The following TG variants were observed in gnomAD, a reference collection of about 807,000 sequenced individuals.
The protein encoded by TG is thyroid hormones.
TG carries 270 observed loss-of-function variants against 324.7 expected under a neutral mutation model. The ratio of observed to expected loss-of-function variants is 0.83; its 90% CI spans 0.75 to 0.92. TG has a LOEUF of 0.92. Among genes scored for constraint, TG ranks in the 40% least tolerant of loss-of-function variants. TG has a pLI of 0.00. For missense variants in TG, 3,591 were observed against 3,456.4 expected (o/e 1.04, Z -0.98); for synonymous variants, 1,401 against 1,327.0 (o/e 1.06, Z -1.21).
chr8:132,964,216 A>G (rs1003319354), intron 29 of TG, among the ~76,000 whole-genome samples: 4 of 152,006 alleles, frequency 2.6e-5, no homozygotes, highest in Non-Finnish European at 5.9e-5. Flanking sequence ...TTAGGGCAGC[A>G]TCTGCAAAAC....
At chr8:132,921,736 G>A (rs1821137044) in intron 21 of TG, among the ~76,000 whole-genome samples, 1 of 152,156 alleles carries the variant, frequency 6.6e-6, no homozygotes, top group Admixed American at 6.5e-5. Context: ...AGGTTCTGCT[G>A]ATAACTCTTC....
intron 35 of TG, among the ~76,000 whole-genome samples, chr8:132,984,707 G>A (rs1439993019): frequency 6.6e-6 from 1 of 152,132 alleles, no homozygotes; most frequent in Non-Finnish European, 1.5e-5. Context: ...ACTTTGGGAG[G>A]CTGAGGTGGG....
At chr8:133,040,066 TGGG>T in intron 41 of TG, 1 of 1,556,000 alleles carries the variant, frequency 6.4e-7, no homozygotes, top group Non-Finnish European at 8.7e-7. Flanking sequence ...CCCTCACTGC[TGGG>T]GCAGCCGTGC....
intron 26 of TG, among the ~76,000 whole-genome samples, chr8:132,942,683 G>A (rs576383377): frequency 6.6e-6 from 1 of 152,346 alleles, no homozygotes; most frequent in South Asian, 2.1e-4. Flanking sequence ...CATGTTTGGA[G>A]CACTACTCGG....
intron 41 of TG, among the ~76,000 whole-genome samples, chr8:133,039,386 A>G (rs1201425907): frequency 2.0e-5 from 3 of 152,226 alleles, no homozygotes; most frequent in Non-Finnish European, 4.4e-5. Flanking sequence ...TGTTATTTAC[A>G]AGAAAGAGCA....
rs10093995 is a variant in TG, at chr8:133,040,440, C to T, written c.7239+10417C>T. The T allele has an allele frequency of 5.6e-3, 1,768 of 318,294 alleles. 20 individuals are homozygous for T. The highest frequency in any genetic ancestry group is 0.035 in the African/African-American group (1,655 of 47,846). 19.7% of individuals were successfully genotyped at this position (318,294 alleles called of 1,614,324 possible). A position where few individuals can be genotyped will look rare whatever the true frequency, so the allele number is the denominator to read the frequency against. On this transcript the variant is annotated intron_variant, in intron 41 of 47. Transcript: ENST00000220616. The stretch of plus-strand genomic sequence containing the variant: ...TACCCCGATAGTAAATTATCAAGAA[C>T]GTCTCTGAGCTTTCCTTTCTTCAAC...
In TG at chr8:133,119,872, G is replaced by A. The variant is rs559435760; in HGVS notation, c.7862+3156G>A. The stretch of plus-strand genomic sequence containing the variant: ...CTGCATAGAACTATAATTTCAGCCT[G>A]AACTACAGATTCAAGCAACTGCCTC... On this transcript the variant is annotated intron_variant, in intron 45 of 47. Coordinates refer to ENST00000220616, the MANE Select transcript of TG (RefSeq NM_003235.5). Among the ~76,000 whole-genome samples the A allele has an allele frequency of 2.6e-5, 4 of 152,282 alleles. No individual in the cohort carries two copies. In the South Asian group the frequency reaches 6.2e-4, roughly 24 times the overall value.
At position 133,090,880 on chromosome 8, in the gene TG, C is replaced by T. The variant is rs567684904; in HGVS notation, c.7240-4164C>T. Among the ~76,000 whole-genome samples the T allele has an allele frequency of 3.9e-5, 6 of 152,230 alleles. No individual in the cohort carries two copies. In the East Asian group the frequency reaches 7.8e-4, roughly 20 times the overall value. On this transcript the variant is annotated intron_variant, in intron 41 of 47. Transcript: ENST00000220616. ...TGCTTTGGCCTCACCCCGCACCCCC[C>T]GGGAACAGAAAGGAACTGTCTGCCA... is the stretch of plus-strand genomic sequence containing the variant.
rs201933746 is a variant in TG at position 132,898,802 on chromosome 8, G to A, written c.3222G>A (p.Pro1074=). The A allele has an allele frequency of 1.2e-5, 19 of 1,613,944 alleles. No individual in the cohort carries two copies. The highest frequency in any genetic ancestry group is 3.3e-5 in the South Asian group (3 of 91,064). Residue 1074 remains proline, a synonymous_variant, in exon 14 of 48, where the codon CCG becomes CCA. Coordinates refer to ENST00000220616, the MANE Select transcript of TG (RefSeq NM_003235.5). ...AAGCACCTCTCTCTCCCACAGGCCC[G>A]ACAACCTGCGAGAAATCTCGAACCA... The part of the protein sequence containing the change: ...TARSLQIPQC[P]TTCEKSRTSG...
intron 45 of TG, 110 bp from the exon 46 acceptor site, chr8:133,131,702 A>G (rs905050041): frequency 5.4e-6 from 8 of 1,490,104 alleles, no homozygotes; most frequent in Non-Finnish European, 7.3e-6. Context: ...TATGATATAA[A>G]GAAGGGAAAG....
chr8:133,010,765 G>C (rs887130006), intron 35 of TG, among the ~76,000 whole-genome samples: 1 of 152,160 alleles, frequency 6.6e-6, no homozygotes, highest in African/African-American at 2.4e-5. Flanking sequence ...CACCAGATGG[G>C]ACGAGCTCAC....
chr8:133,082,994 C>T (rs553967439), intron 41 of TG, among the ~76,000 whole-genome samples: 49 of 152,290 alleles, frequency 3.2e-4, no homozygotes, highest in Non-Finnish European at 5.9e-4. Flanking sequence ...CCCACTGAGC[C>T]ACAACTAATT....
intron 41 of TG, among the ~76,000 whole-genome samples, chr8:133,072,401 C>A (rs545839252): frequency 2.0e-5 from 3 of 152,030 alleles, no homozygotes; most frequent in African/African-American, 4.8e-5. Context: ...CATGATGTGA[C>A]CTCAATGGAT....
intron 41 of TG, among the ~76,000 whole-genome samples, chr8:133,039,126 A>C (rs1017928542): frequency 6.6e-6 from 1 of 152,114 alleles, no homozygotes; most frequent in Non-Finnish European, 1.5e-5. Flanking sequence ...TGATCTGCCC[A>C]CCTCAGCCTC....
chr8:132,974,230 G>A (rs1829915694), intron 34 of TG, among the ~76,000 whole-genome samples: 1 of 152,012 alleles, frequency 6.6e-6, no homozygotes, highest in Non-Finnish European at 1.5e-5. Flanking sequence ...CTGACCTCAG[G>A]TGATCCACCC....
intron 5 of TG, among the ~76,000 whole-genome samples, chr8:132,876,534 C>A (rs1813822402): frequency 1.3e-5 from 2 of 152,224 alleles, no homozygotes; most frequent in Non-Finnish European, 2.9e-5. Flanking sequence ...TGACCTGCTG[C>A]TGTGAGTTAT....
At chr8:133,124,652 T>C (rs1433822867) in intron 45 of TG, among the ~76,000 whole-genome samples, 1 of 152,216 alleles carries the variant, frequency 6.6e-6, no homozygotes, top group Non-Finnish European at 1.5e-5. Context: ...AGATGTTCAA[T>C]GTTAGGTAGC....
At chr8:133,120,555 T>C (rs145487033) in intron 45 of TG, among the ~76,000 whole-genome samples, 1 of 152,334 alleles carries the variant, frequency 6.6e-6, no homozygotes, top group African/African-American at 2.4e-5. Context: ...TCTTAGCCCC[T>C]GGTGGCCTAA....
chr8:133,116,570 A>C, intron 44 of TG, 39 bp from the exon 45 acceptor site: 1 of 1,583,862 alleles, frequency 6.3e-7, no homozygotes, highest in Non-Finnish European at 8.7e-7. Context: ...CCATAGAGCC[A>C]TGTTTAACCA....
Sources: gnomAD v4.1 joint callset for allele counts (sites outside exome capture counted in the v4.1 genomes callset) on GRCh38, gnomAD v4.1.1 for gene constraint, MANE v1.5 for transcripts, NCBI Gene and HGNC (gene_info 2026-07-23, HGNC 2026-07-21) for gene names.